The following PTK2 variants were observed in gnomAD, a reference collection of about 807,000 sequenced individuals.
PTK2 encodes protein tyrosine kinase 2.
Under a neutral mutation model 150.1 loss-of-function variants are expected in PTK2, and 45 were observed. That is an observed-to-expected ratio of 0.30 (90% CI 0.24 to 0.38). The LOEUF (loss-of-function observed/expected upper bound fraction) is 0.38, where lower values mean the gene tolerates loss of function less well. PTK2 is among the 10% of genes least tolerant of loss of function. The pLI, the probability that PTK2 is intolerant of heterozygous loss-of-function variation, is 1.00. For synonymous variants in PTK2, 432 were observed against 449.2 expected, an observed-to-expected ratio of 0.96 and a Z score of 0.48; for missense variants, 919 against 1,307.3, an observed-to-expected ratio of 0.70 and a Z score of 4.58.
chr8:140,746,594 G>C, intron 18 of PTK2, 166 bp downstream of exon 21: 1 of 489,728 alleles, frequency 2.0e-6, no homozygotes, highest in Non-Finnish European at 3.6e-6. Flanking sequence ...GGAATTTAAT[G>C]ATGAAGATAT....
chr8:140,840,549 G>T (rs1410666164), intron 7 of PTK2, among the ~76,000 whole-genome samples: 1 of 152,116 alleles, frequency 6.6e-6, no homozygotes, highest in African/African-American at 2.4e-5. Context: ...TTAAGAGAGG[G>T]TTAGATAAGT....
chr8:140,733,158 C>T (rs1356978711), intron 22 of PTK2, among the ~76,000 whole-genome samples: 1 of 152,060 alleles, frequency 6.6e-6, no homozygotes, highest in Admixed American at 6.6e-5. Context: ...GGGGGGCAGG[C>T]ACAAGGAGTG....
chr8:140,702,685 T>C (rs762853642), exon 25 of PTK2: 1 of 1,614,012 alleles, frequency 6.2e-7, no homozygotes, highest in South Asian at 1.1e-5. Context: ...TGTGATTCCA[T>C]GTGAACCAGG....
At chr8:140,776,153 G>A (rs2100078321) in intron 14 of PTK2, among the ~76,000 whole-genome samples, 2 of 152,290 alleles carry the variant, frequency 1.3e-5, no homozygotes, top group African/African-American at 2.4e-5. Context: ...ACAGGCATCC[G>A]CCACCACACC....
chr8:140,820,075 GGTTTTT>G (rs2100107253), intron 8 of PTK2, among the ~76,000 whole-genome samples: 1 of 49,102 alleles, frequency 2.0e-5, no homozygotes, highest in African/African-American at 5.9e-5. Flanking sequence ...ATCTGACTTT[GGTTTTT>G]TTTTTTTTTT....
intron 27 of PTK2, among the ~76,000 whole-genome samples, chr8:140,676,693 T>C (rs1235202725): frequency 1.4e-5 from 2 of 139,254 alleles, no homozygotes; most frequent in Non-Finnish European, 3.0e-5. Context: ...TTTGGGAGGC[T>C]GAGGCGGGTG....
intron 1 of PTK2, among the ~76,000 whole-genome samples, chr8:140,946,572 C>T (rs1306336433): frequency 2.0e-5 from 3 of 152,178 alleles, no homozygotes; most frequent in Non-Finnish European, 4.4e-5. Flanking sequence ...TTCTGGGAAG[C>T]AGATGGAAGA....
At chr8:140,822,981 G>A (rs1417627653) in intron 8 of PTK2, among the ~76,000 whole-genome samples, 5 of 152,170 alleles carry the variant, frequency 3.3e-5, no homozygotes, top group Non-Finnish European at 7.3e-5. Context: ...CATAGAACAT[G>A]CTGCCTCAAT....
chr8:140,746,807 T>C, exon 18 of PTK2: 1 of 1,613,754 alleles, frequency 6.2e-7, no homozygotes, highest in Non-Finnish European at 8.5e-7. Flanking sequence ...GGATTCTCTG[T>C]GATGACTCCA....
At chr8:140,697,710 C>G (rs1338328400) in intron 26 of PTK2, among the ~76,000 whole-genome samples, 1 of 152,014 alleles carries the variant, frequency 6.6e-6, no homozygotes, top group Non-Finnish European at 1.5e-5. Context: ...CCAGCCAGAA[C>G]AGTCTTTTTT....
At chr8:140,819,264 T>C (rs1223721052) in intron 8 of PTK2, among the ~76,000 whole-genome samples, 1 of 152,212 alleles carries the variant, frequency 6.6e-6, no homozygotes, top group Non-Finnish European at 1.5e-5. Flanking sequence ...AGTTCATATA[T>C]AGAGTTTTAT....
intron 27 of PTK2, among the ~76,000 whole-genome samples, chr8:140,680,501 T>C (rs896006587): frequency 1.3e-5 from 2 of 152,318 alleles, no homozygotes; most frequent in East Asian, 3.9e-4. Flanking sequence ...TTCTTATTAA[T>C]AAAGCAGTTC....
intron 1 of PTK2, among the ~76,000 whole-genome samples, chr8:140,932,088 C>T (rs948246835): frequency 6.6e-6 from 1 of 152,160 alleles, no homozygotes; most frequent in African/African-American, 2.4e-5. Context: ...ACTCTTTCCC[C>T]CACTGACCCC....
chr8:140,988,134 G>C (rs2100194062), intron 1 of PTK2, among the ~76,000 whole-genome samples: 1 of 151,166 alleles, frequency 6.6e-6, no homozygotes, highest in South Asian at 2.1e-4. Flanking sequence ...AGATATGAAA[G>C]TCTACACCCA....
intron 1 of PTK2, among the ~76,000 whole-genome samples, chr8:140,988,327 A>G (rs1474944319): frequency 1.3e-5 from 2 of 152,240 alleles, no homozygotes; most frequent in Admixed American, 1.3e-4. Context: ...CTTGAAGAAG[A>G]GACAAGTAGG....
At chr8:140,704,463 G>A (rs1021587932) in intron 24 of PTK2, among the ~76,000 whole-genome samples, 19 of 152,286 alleles carry the variant, frequency 1.2e-4, no homozygotes, top group African/African-American at 4.6e-4. Context: ...TAACAAACAC[G>A]TACTAGAGTT....
chr8:140,694,506 C>G (rs2100025291), intron 26 of PTK2, among the ~76,000 whole-genome samples: 1 of 152,064 alleles, frequency 6.6e-6, no homozygotes, highest in South Asian at 2.1e-4. Context: ...TACAAACTGG[C>G]CCTTCCATGC....
At position 140,830,466 on chromosome 8, in the gene PTK2, A is replaced by G; in HGVS notation, c.648+6T>C. 2 of 1,518,710 alleles carry G rather than the reference A, an allele frequency of 1.3e-6. No homozygotes were observed. The highest frequency in any genetic ancestry group is 1.3e-5 in the South Asian group (1 of 79,518). The allele number at this position is 1,518,710 out of a possible 1,614,324, so 94.1% of individuals were successfully genotyped here. ...ATTTTATTATGATAAAGGAGACTCT[A>G]ATTACCTTGACAGAATCCAGTAAAC... is the stretch of plus-strand genomic sequence containing the variant. On this transcript the variant is annotated splice_donor_region_variant and intron_variant, in intron 8 of 31. Coordinates refer to ENST00000522684, the Ensembl canonical transcript of PTK2.
intron 26 of PTK2, among the ~76,000 whole-genome samples, chr8:140,695,963 G>A (rs914133856): frequency 1.2e-4 from 18 of 152,096 alleles, no homozygotes; most frequent in African/African-American, 4.1e-4. Flanking sequence ...ACTTCCCCAG[G>A]GTTCATGTAT....
Sources: gnomAD v4.1 joint callset for allele counts (sites outside exome capture counted in the v4.1 genomes callset) on GRCh38, gnomAD v4.1.1 for gene constraint, MANE v1.5 for transcripts, NCBI Gene and HGNC (gene_info 2026-07-23, HGNC 2026-07-21) for gene names.